ST8SIA1: variants seen among roughly 807,000 people sequenced by gnomAD.
The protein encoded by ST8SIA1 is alpha-N-acetylneuraminide alpha-2,8-sialyltransferase.
ST8SIA1 carries 16 observed loss-of-function variants against 35.9 expected under a neutral mutation model. The observed-to-expected ratio is 0.45, with a 90% CI of 0.30 to 0.68. The LOEUF is 0.68. Among genes scored for constraint, ST8SIA1 ranks in the 30% least tolerant of loss-of-function variants. ST8SIA1 has a pLI of 0.09. For synonymous variants in ST8SIA1, 170 were observed against 169.6 expected (o/e 1.00, Z -0.02); for missense variants, 383 against 453.6 (o/e 0.84, Z 1.41).
intron 1 of ST8SIA1, among the ~76,000 whole-genome samples, chr12:22,316,347 C>G (rs1866519655): frequency 6.6e-6 from 1 of 151,878 alleles, no homozygotes; most frequent in Non-Finnish European, 1.5e-5. Context: ...TGAAATAGAC[C>G]CACACATATT....
intron 1 of ST8SIA1, among the ~76,000 whole-genome samples, chr12:22,303,705 T>C (rs1005646296): frequency 6.6e-6 from 1 of 152,138 alleles, no homozygotes; most frequent in African/African-American, 2.4e-5. Flanking sequence ...TTTGTTTCTG[T>C]TTTTGTGGTT....
intron 4 of ST8SIA1, among the ~76,000 whole-genome samples, chr12:22,215,242 T>C (rs1865222491): frequency 1.3e-5 from 2 of 152,210 alleles, no homozygotes; most frequent in Non-Finnish European, 2.9e-5. Context: ...TCTCAATGAC[T>C]GATTTCTTCT....
chr12:22,323,952 CAT>C (rs1419679410), intron 1 of ST8SIA1, among the ~76,000 whole-genome samples: 2 of 151,798 alleles, frequency 1.3e-5, no homozygotes, highest in African/African-American at 4.8e-5. Flanking sequence ...CACTACGGCA[CAT>C]GTTTACCTGT....
chr12:22,331,839 T>C (rs1216794640), intron 1 of ST8SIA1, among the ~76,000 whole-genome samples: 2 of 152,172 alleles, frequency 1.3e-5, no homozygotes, highest in East Asian at 1.9e-4. Flanking sequence ...TTCCAAATTC[T>C]CATGGGTTGC....
chr12:22,211,751 G>A (rs115923560), intron 4 of ST8SIA1, among the ~76,000 whole-genome samples: 2,436 of 152,034 alleles, frequency 0.016, 88 homozygotes, highest in African/African-American at 0.055. Context: ...TCACTCTGTC[G>A]CCCAGACTGG....
chr12:22,223,642 A>G (rs545394945), intron 4 of ST8SIA1: 33 of 1,146,658 alleles, frequency 2.9e-5, no homozygotes, highest in Admixed American at 2.0e-4. Context: ...TCAACGTGGC[A>G]GGGATTCTGA....
chr12:22,330,536 C>T (rs769170866), intron 1 of ST8SIA1, among the ~76,000 whole-genome samples: 1 of 152,180 alleles, frequency 6.6e-6, no homozygotes. Context: ...GCTATGTTTC[C>T]TGTCTTTGAT....
chr12:22,204,732 T>C (rs567804961), intron 4 of ST8SIA1, among the ~76,000 whole-genome samples: 54 of 152,368 alleles, frequency 3.5e-4, no homozygotes, highest in African/African-American at 1.2e-3. Flanking sequence ...ATAGTCCTAA[T>C]TTTATTGACA....
chr12:22,204,072 C>T (rs4762738), intron 4 of ST8SIA1, among the ~76,000 whole-genome samples: 2,604 of 152,196 alleles, frequency 0.017, 55 homozygotes, highest in Admixed American at 0.069. Flanking sequence ...CTTCTAATCA[C>T]ATCCTTGCTG....
chr12:22,231,088 ATATAAT>A (rs1173407360), intron 4 of ST8SIA1, among the ~76,000 whole-genome samples: 1 of 149,158 alleles, frequency 6.7e-6, no homozygotes, highest in Non-Finnish European at 1.5e-5. Flanking sequence ...GTATTTAAAT[ATATAAT>A]TATATACTTT....
intron 2 of ST8SIA1, among the ~76,000 whole-genome samples, chr12:22,268,767 G>A (rs1226578401): frequency 1.3e-5 from 2 of 152,134 alleles, no homozygotes; most frequent in Non-Finnish European, 2.9e-5. Flanking sequence ...CCTTACATGT[G>A]GGGATTATGG....
In ST8SIA1 at chr12:22,194,669, A is replaced by G. The variant is rs1659642826; in HGVS notation, c.*6883T>C. ...AGAATACAGGGTAGAAAATGCATCTAAGTCAGCTTAAGTAATCATGGATAC... is the reference window on the plus strand; with the variant it reads ...AGAATACAGGGTAGAAAATGCATCTGAGTCAGCTTAAGTAATCATGGATAC... On this transcript the variant is annotated 3_prime_UTR_variant, in exon 5 of 5. Transcript: ENST00000396037. 1 of 152,158 alleles carries G rather than the reference A, an allele frequency of 6.6e-6. No individual in the cohort carries two copies. The highest frequency in any genetic ancestry group is 1.5e-5 in the Non-Finnish European group (1 of 68,032). The allele number at this position is 152,158 out of a possible 1,614,324, so 9.4% of individuals were successfully genotyped here.
In ST8SIA1 at chr12:22,202,047, GA is replaced by G. The variant is rs554718899; in HGVS notation, c.585-10del. 276 of 1,392,984 alleles carry G rather than the reference GA, an allele frequency of 2.0e-4. 1 individual carries two copies. The highest frequency in any genetic ancestry group is 1.6e-3 in the Admixed American group (65 of 40,664). The allele number at this position is 1,392,984 out of a possible 1,614,324, so 86.3% of individuals were successfully genotyped here. A position where few individuals can be genotyped will look rare whatever the true frequency, so the allele number is the denominator to read the frequency against. Reference sequence around the variant, plus strand: ...ACAGAAGGTTCTGAAACCTATTGAAGAAAAAAAAAACTGTTCAATTAAACCT... The same window carrying G: ...ACAGAAGGTTCTGAAACCTATTGAAGAAAAAAAAACTGTTCAATTAAACCT... On this transcript the variant is annotated splice_polypyrimidine_tract_variant and intron_variant, in intron 4 of 4. Coordinates refer to ENST00000396037, the MANE Select transcript of ST8SIA1 (RefSeq NM_003034.4).
chr12:22,221,391 G>C (rs1474992346), intron 4 of ST8SIA1, among the ~76,000 whole-genome samples: 1 of 152,170 alleles, frequency 6.6e-6, no homozygotes, highest in Non-Finnish European at 1.5e-5. Flanking sequence ...AAGAGGTTGA[G>C]ATGCAAAAAG....
chr12:22,326,942 GACTA>G (rs1353339553), intron 1 of ST8SIA1, among the ~76,000 whole-genome samples: 1 of 152,100 alleles, frequency 6.6e-6, no homozygotes, highest in Admixed American at 6.5e-5. Context: ...TTTGTCAAAA[GACTA>G]ACTGACCACA....
chr12:22,334,071 C>G lies in ST8SIA1; in HGVS notation c.162G>C (p.Glu54Asp). 1 of 1,614,156 alleles carries G rather than the reference C, an allele frequency of 6.2e-7. No individual in the cohort carries two copies. The highest frequency in any genetic ancestry group is 8.5e-7 in the Non-Finnish European group (1 of 1,180,040). ...GCAGCACCCCCTGCACGATCTCTTT[C>G]TCGTTGGGCAGCCGGTAGACGGGGA... Reference protein sequence around the residue: ...YIFPVYRLPNEKEIVQGVLQQ... With the variant: ...YIFPVYRLPNDKEIVQGVLQQ... The change falls in exon 1 of 5, where the codon GAG becomes GAC. Residue 54 changes from glutamate (E) to aspartate (D), a missense_variant. Coordinates refer to ENST00000396037, the MANE Select transcript of ST8SIA1 (RefSeq NM_003034.4).
intron 2 of ST8SIA1, among the ~76,000 whole-genome samples, chr12:22,276,251 T>C (rs1262550442): frequency 1.3e-5 from 2 of 150,884 alleles, no homozygotes; most frequent in East Asian, 2.0e-4. Flanking sequence ...AATGCTTGTA[T>C]TGAGTAAAAA....
chr12:22,313,039 T>A (rs753117091), intron 1 of ST8SIA1, among the ~76,000 whole-genome samples: 1 of 152,188 alleles, frequency 6.6e-6, no homozygotes, highest in Non-Finnish European at 1.5e-5. Flanking sequence ...CATCTATAAA[T>A]GCGCTGGTAG....
chr12:22,218,861 T>C (rs959015796), intron 4 of ST8SIA1, among the ~76,000 whole-genome samples: 1 of 151,608 alleles, frequency 6.6e-6, no homozygotes, highest in African/African-American at 2.4e-5. Context: ...AAAAAAGAAA[T>C]AGCAAGGAAT....
Sources: allele counts gnomAD v4.1 joint callset (sites outside exome capture counted in the v4.1 genomes callset), GRCh38; gene constraint gnomAD v4.1.1; transcripts MANE v1.5; gene names NCBI Gene and HGNC (gene_info 2026-07-23, HGNC 2026-07-21).